ERC2: variants seen among roughly 807,000 people sequenced by gnomAD.
ERC2 encodes ELKS/RAB6-interacting/CAST family member 2.
A neutral mutation model predicts 114.8 loss-of-function variants in ERC2; 42 were observed. That is an observed-to-expected ratio of 0.37 (90% CI 0.29 to 0.47). ERC2 has a LOEUF of 0.47. Ranked by LOEUF, ERC2 falls within the 20% of genes least tolerant of loss-of-function variation. The probability of loss-of-function intolerance (pLI) is 0.99; values close to 1 mark genes in which losing one functional copy is unlikely to be tolerated. For missense variants in ERC2, 939 were observed against 1,150.7 expected (o/e 0.82, Z 2.66); for synonymous variants, 454 against 425.5 (o/e 1.07, Z -0.82).
intron 17 of ERC2, among the ~76,000 whole-genome samples, chr3:55,561,145 T>A (rs11708843): frequency 0.092 from 12,766 of 139,162 alleles, 596 homozygotes; most frequent in African/African-American, 0.11. Flanking sequence ...AAACTACTGC[T>A]GCTTTTCTTT....
At chr3:56,355,377 G>A (rs542064646) in intron 2 of ERC2, among the ~76,000 whole-genome samples, 164 of 148,522 alleles carry the variant, frequency 1.1e-3, no homozygotes, top group African/African-American at 3.9e-3. Flanking sequence ...GGAGTGCAGT[G>A]ACGTGATCAC....
chr3:56,233,306 T>C (rs1031241358), intron 3 of ERC2, among the ~76,000 whole-genome samples: 2 of 152,144 alleles, frequency 1.3e-5, no homozygotes, highest in Non-Finnish European at 2.9e-5. Context: ...AACTTAAAAA[T>C]TACCATAAAT....
intron 14 of ERC2, among the ~76,000 whole-genome samples, chr3:55,790,591 G>A (rs2069921639): frequency 6.6e-6 from 1 of 152,156 alleles, no homozygotes; most frequent in African/African-American, 2.4e-5. Flanking sequence ...ACAGCGGAAG[G>A]AAAATGGAGG....
intron 14 of ERC2, among the ~76,000 whole-genome samples, chr3:55,846,376 T>C (rs1476463391): frequency 2.0e-5 from 3 of 152,232 alleles, no homozygotes; most frequent in Admixed American, 6.5e-5. Context: ...ATTTACTACA[T>C]TCTCTTTATC....
intron 15 of ERC2, among the ~76,000 whole-genome samples, chr3:55,733,144 T>C (rs919040017): frequency 6.6e-6 from 1 of 152,118 alleles, no homozygotes; most frequent in Non-Finnish European, 1.5e-5. Context: ...AATGGTTAGG[T>C]GCAGGAGAGG....
At position 56,048,449 on chromosome 3, in the gene ERC2, AT is replaced by A. The variant is rs1039857398; in HGVS notation, c.1642-29419del. Among the ~76,000 whole-genome samples the A allele has an allele frequency of 4.6e-5, 7 of 151,594 alleles. No homozygotes were observed. The South Asian group carries it at 6.3e-4, about 14-fold the overall frequency. On this transcript the variant is annotated intron_variant, in intron 7 of 17. Coordinates refer to ENST00000288221, the MANE Select transcript of ERC2 (RefSeq NM_015576.3). ...CCATAGTCATCTGCCCACTACTTTA[AT>A]TTTTTTTTAATATCTAATGTGAATT...
At chr3:56,408,063 T>A (rs2060795923) in intron 2 of ERC2, among the ~76,000 whole-genome samples, 1 of 152,174 alleles carries the variant, frequency 6.6e-6, no homozygotes, top group African/African-American at 2.4e-5. Context: ...CATTTTATAA[T>A]GATGTATTTT....
chr3:56,251,846 T>G (rs1275235289), intron 3 of ERC2, among the ~76,000 whole-genome samples: 1 of 152,246 alleles, frequency 6.6e-6, no homozygotes, highest in African/African-American at 2.4e-5. Flanking sequence ...TGTAGATGCC[T>G]CTGAACTCCT....
At chr3:56,293,274 A>G (rs1424271666) in intron 3 of ERC2, among the ~76,000 whole-genome samples, 10 of 152,224 alleles carry the variant, frequency 6.6e-5, no homozygotes, top group Admixed American at 4.6e-4. Context: ...AATTCTCCCA[A>G]TAAGTAACAT....
At chr3:56,179,278 G>T (rs970330658) in intron 3 of ERC2, among the ~76,000 whole-genome samples, 1 of 152,056 alleles carries the variant, frequency 6.6e-6, no homozygotes, top group African/African-American at 2.4e-5. Flanking sequence ...GAGGGATGGG[G>T]TAAGTAGAAA....
At chr3:55,822,770 T>G (rs1224803829) in intron 14 of ERC2, among the ~76,000 whole-genome samples, 1 of 152,002 alleles carries the variant, frequency 6.6e-6, no homozygotes, top group Admixed American at 6.5e-5. Flanking sequence ...CCCGCCACTA[T>G]GCCCGGCTAA....
chr3:55,701,223 C>T (rs1463604003), intron 15 of ERC2, among the ~76,000 whole-genome samples: 2 of 152,160 alleles, frequency 1.3e-5, no homozygotes, highest in Non-Finnish European at 2.9e-5. Flanking sequence ...AATACTTTCC[C>T]AGGAGCAATT....
At chr3:56,009,887 A>G (rs1237020131) in intron 9 of ERC2, among the ~76,000 whole-genome samples, 1 of 152,200 alleles carries the variant, frequency 6.6e-6, no homozygotes, top group African/African-American at 2.4e-5. Context: ...CATGTTTGCT[A>G]TGGTATAAAA....
intron 14 of ERC2, among the ~76,000 whole-genome samples, chr3:55,871,440 C>T (rs2062579336): frequency 6.6e-6 from 1 of 152,308 alleles, no homozygotes; most frequent in East Asian, 1.9e-4. Flanking sequence ...ACAAAGAAGG[C>T]TTAATCTCAG....
chr3:56,440,196 C>T (rs2062222017), intron 1 of ERC2, among the ~76,000 whole-genome samples: 1 of 152,138 alleles, frequency 6.6e-6, no homozygotes. Flanking sequence ...TATTAACAAG[C>T]TAGCATAATA....
intron 4 of ERC2, among the ~76,000 whole-genome samples, chr3:56,156,789 C>T (rs1296555076): frequency 6.6e-6 from 1 of 152,142 alleles, no homozygotes; most frequent in East Asian, 1.9e-4. Flanking sequence ...TAATGCCAAC[C>T]TGAACACTAA....
chr3:55,560,054 A>G (rs553803590), intron 17 of ERC2, among the ~76,000 whole-genome samples: 31 of 152,298 alleles, frequency 2.0e-4, no homozygotes, highest in Middle Eastern at 6.8e-3. Flanking sequence ...TCTCCGGAGT[A>G]GTGCAGTACC....
chr3:56,408,100 C>T (rs1412862880), intron 2 of ERC2, among the ~76,000 whole-genome samples: 1 of 152,130 alleles, frequency 6.6e-6, no homozygotes, highest in East Asian at 1.9e-4. Flanking sequence ...TAATGTCCAC[C>T]TCACCCCACC....
chr3:56,286,630 A>G (rs1187555833), intron 3 of ERC2, among the ~76,000 whole-genome samples: 4 of 152,138 alleles, frequency 2.6e-5, no homozygotes, highest in Non-Finnish European at 5.9e-5. Context: ...GGGTCAGCAC[A>G]TTTAAAGAGG....
Sources: gnomAD v4.1 joint callset for allele counts (sites outside exome capture counted in the v4.1 genomes callset) on GRCh38, gnomAD v4.1.1 for gene constraint, MANE v1.5 for transcripts, NCBI Gene and HGNC (gene_info 2026-07-23, HGNC 2026-07-21) for gene names.